Variants in SH3KBP1 observed in about 807,000 individuals in gnomAD.
The protein encoded by SH3KBP1 is SH3 domain-containing kinase-binding protein 1.
SH3KBP1 carries 8 observed loss-of-function variants against 50.1 expected under a neutral mutation model. The observed-to-expected ratio is 0.16, with a 90% CI of 0.09 to 0.29. SH3KBP1 has a LOEUF of 0.29. Ranked by LOEUF, SH3KBP1 falls within the 10% of genes least tolerant of loss-of-function variation. SH3KBP1 has a pLI of 1.00. For synonymous variants in SH3KBP1, 227 were observed against 218.6 expected, an observed-to-expected ratio of 1.04 and a Z score of -0.34; for missense variants, 377 against 535.2, an observed-to-expected ratio of 0.70 and a Z score of 2.92.
chrX:19,873,292 A>G lies in SH3KBP1; in HGVS notation c.4+14015T>C, dbSNP rs1205732480. Among the ~76,000 whole-genome samples, 238 of 83,668 alleles carry G rather than the reference A, an allele frequency of 2.8e-3. 1 individual carries two copies. The highest frequency in any genetic ancestry group is 8.8e-3 in the African/African-American group (163 of 18,433). The allele number at this position is 83,668 out of a possible 115,157, so 72.7% of individuals were successfully genotyped here. A position where few individuals can be genotyped will look rare whatever the true frequency, so the allele number is the denominator to read the frequency against. On this transcript the variant is annotated intron_variant, in intron 1 of 17. Coordinates refer to ENST00000397821, the MANE Select transcript of SH3KBP1 (RefSeq NM_031892.3). ...CAAGGACATATATATATATATATGT[A>G]TATATATATATATATATATACATAT...
chrX:19,738,694 C>CA (rs1193680181), intron 3 of SH3KBP1, among the ~76,000 whole-genome samples: 1,872 of 36,654 alleles, frequency 0.051, 66 homozygotes, highest in African/African-American at 0.11. Context: ...GTCAGCAATG[C>CA]AAAAAAAAAA....
At chrX:19,567,557 A>AATAT (rs1555990522) in intron 13 of SH3KBP1, among the ~76,000 whole-genome samples, 12,239 of 34,913 alleles carry the variant, frequency 0.35, 2,468 homozygotes, top group Non-Finnish European at 0.38. Flanking sequence ...AAAAAAAAAA[A>AATAT]ATATATATAT....
At chrX:19,615,917 CT>C (rs778419717) in intron 8 of SH3KBP1, among the ~76,000 whole-genome samples, 5,315 of 96,547 alleles carry the variant, frequency 0.055, 394 homozygotes, top group African/African-American at 0.18. Context: ...CAGTCATTCA[CT>C]TTTTTTTTTT....
chrX:19,765,278 A>C (rs1310070539), intron 2 of SH3KBP1, among the ~76,000 whole-genome samples: 1 of 111,263 alleles, frequency 9.0e-6, no homozygotes, highest in Non-Finnish European at 1.9e-5. Context: ...ACCCAAAGTT[A>C]GTATCTCACA....
intron 7 of SH3KBP1, among the ~76,000 whole-genome samples, chrX:19,638,234 C>CCCCGT (rs992236299): frequency 3.7e-5 from 4 of 109,414 alleles, no homozygotes; most frequent in Admixed American, 1.9e-4. Context: ...CACGGTGAAA[C>CCCCGT]CCCGTCTCCA....
At chrX:19,550,995 T>G (rs895286942) in intron 13 of SH3KBP1, among the ~76,000 whole-genome samples, 2 of 111,620 alleles carry the variant, frequency 1.8e-5, no homozygotes, top group Non-Finnish European at 3.8e-5. Flanking sequence ...TTAAAAAAAA[T>G]GATGTGCATT....
chrX:19,866,461 T>C lies in SH3KBP1; in HGVS notation c.4+20846A>G, dbSNP rs1353990450. Among the ~76,000 whole-genome samples, 6 of 110,699 alleles carry C rather than the reference T, an allele frequency of 5.4e-5. No individual in the cohort carries two copies. The Admixed American group carries it at 5.8e-4, about 11-fold the overall frequency. On this transcript the variant is annotated intron_variant, in intron 1 of 17. Transcript: ENST00000397821. The stretch of plus-strand genomic sequence containing the variant: ...GCTCATGCCTGTAATTGCAGCACTT[T>C]GGGAGGCCGAGATGCCAGGAGTTTG...
chrX:19,848,430 A>G (rs1489205509), intron 1 of SH3KBP1, among the ~76,000 whole-genome samples: 1 of 112,825 alleles, frequency 8.9e-6, no homozygotes, highest in Admixed American at 9.3e-5. Flanking sequence ...TGCATTAGTA[A>G]CAATAACTGG....
At chrX:19,741,617 A>G (rs1305219472) in intron 3 of SH3KBP1, among the ~76,000 whole-genome samples, 1 of 112,139 alleles carries the variant, frequency 8.9e-6, no homozygotes, top group Non-Finnish European at 1.9e-5. Flanking sequence ...GCCAACCAGA[A>G]ACCCACGGAG....
In SH3KBP1 at chrX:19,647,035, G is replaced by A. The variant is rs1420882536; in HGVS notation, c.727-1560C>T. 3.6e-5 allele frequency among the ~76,000 whole-genome samples: 4 copies of A among 112,190 alleles called. 1 individual carries two copies. In the Admixed American group the frequency reaches 3.8e-4, roughly 11 times the overall value. ...GAATTATTTTGAAAAATCAGGTACCGATAGTAAAAATAGCAGCTCTCAAAG... is the reference window on the plus strand; with the variant it reads ...GAATTATTTTGAAAAATCAGGTACCAATAGTAAAAATAGCAGCTCTCAAAG... On this transcript the variant is annotated intron_variant, in intron 6 of 17. Coordinates refer to ENST00000397821, the MANE Select transcript of SH3KBP1 (RefSeq NM_031892.3).
intron 2 of SH3KBP1, among the ~76,000 whole-genome samples, chrX:19,807,111 C>T (rs948838682): frequency 2.7e-5 from 3 of 112,278 alleles, no homozygotes; most frequent in African/African-American, 9.7e-5. Context: ...AAGAACAATA[C>T]AGTTGCACTG....
chrX:19,633,741 T>C (rs2061631463), intron 7 of SH3KBP1, among the ~76,000 whole-genome samples: 1 of 111,618 alleles, frequency 9.0e-6, no homozygotes, highest in African/African-American at 3.3e-5. Context: ...TTCCCTTCAG[T>C]CAAAAAAAGT....
intron 4 of SH3KBP1, among the ~76,000 whole-genome samples, chrX:19,706,628 G>A (rs756592521): frequency 1.8e-5 from 2 of 110,760 alleles, no homozygotes; most frequent in Admixed American, 1.9e-4. Flanking sequence ...GTGGCACTGC[G>A]TTGGAAATTC....
intron 9 of SH3KBP1, among the ~76,000 whole-genome samples, chrX:19,595,205 T>A (rs1331118966): frequency 8.9e-6 from 1 of 111,748 alleles, no homozygotes; most frequent in Non-Finnish European, 1.9e-5. Context: ...AAAACAAAAC[T>A]CCAATCGACA....
chrX:19,587,132 G>C (rs1175975500), intron 12 of SH3KBP1, among the ~76,000 whole-genome samples: 3 of 107,170 alleles, frequency 2.8e-5, no homozygotes, highest in African/African-American at 1.0e-4. Flanking sequence ...TGGGGCAGGT[G>C]AATCCCTTGA....
intron 6 of SH3KBP1, among the ~76,000 whole-genome samples, chrX:19,657,277 G>T (rs1447779334): frequency 9.2e-6 from 1 of 109,264 alleles, no homozygotes; most frequent in Admixed American, 9.8e-5. Flanking sequence ...GCTACTTGGA[G>T]GGCTGAGGCG....
intron 2 of SH3KBP1, among the ~76,000 whole-genome samples, chrX:19,829,720 CAAA>C (rs758791831): frequency 6.8e-5 from 4 of 58,435 alleles, no homozygotes; most frequent in Non-Finnish European, 3.4e-5. Flanking sequence ...CACTCCGTCT[CAAA>C]AAAAAAAAAA....
intron 2 of SH3KBP1, among the ~76,000 whole-genome samples, chrX:19,817,310 CA>C (rs967372601): frequency 4.5e-5 from 5 of 110,351 alleles, no homozygotes; most frequent in African/African-American, 1.3e-4. Flanking sequence ...TCTATAGCTA[CA>C]AAAAAAAATC....
intron 2 of SH3KBP1, among the ~76,000 whole-genome samples, chrX:19,800,176 C>T (rs1603251759): frequency 8.9e-6 from 1 of 112,183 alleles, no homozygotes; most frequent in Non-Finnish European, 1.9e-5. Flanking sequence ...CACCAGCAAA[C>T]GTTCATTACT....
Sources: allele counts gnomAD v4.1 joint callset (sites outside exome capture counted in the v4.1 genomes callset), GRCh38; gene constraint gnomAD v4.1.1; transcripts MANE v1.5; gene names NCBI Gene and HGNC (gene_info 2026-07-23, HGNC 2026-07-21).